UGT1A7: variants seen among roughly 807,000 people sequenced by gnomAD.
UGT1A7 encodes UDP glucuronosyltransferase family 1 member A7, also known as UDP-glucuronosyltransferase 1A7.
A neutral mutation model predicts 45.6 loss-of-function variants in UGT1A7; 33 were observed. That is an observed-to-expected ratio of 0.72 (90% confidence interval 0.55 to 0.97). UGT1A7 has a LOEUF of 0.97. Ranked by LOEUF, UGT1A7 falls within the 50% of genes least tolerant of loss-of-function variation. The pLI is 0.00. For missense variants in UGT1A7, 684 were observed against 666.2 expected (o/e 1.03, Z -0.29); for synonymous variants, 274 against 250.6 (o/e 1.09, Z -0.88).
At chr2:233,752,070 A>G (rs1694888070) in intron 1 of UGT1A7, among the ~76,000 whole-genome samples, 1 of 152,244 alleles carries the variant, frequency 6.6e-6, no homozygotes, top group Non-Finnish European at 1.5e-5. Flanking sequence ...GAGATGGGGA[A>G]GTCTCTCTAC....
intron 1 of UGT1A7, among the ~76,000 whole-genome samples, chr2:233,698,385 C>T (rs935574429): frequency 2.0e-5 from 3 of 152,082 alleles, no homozygotes; most frequent in East Asian, 1.9e-4. Context: ...TTCACTTTAG[C>T]GTGGTGAATT....
intron 1 of UGT1A7, among the ~76,000 whole-genome samples, chr2:233,757,900 G>A (rs1226953924): frequency 6.6e-6 from 1 of 152,060 alleles, no homozygotes; most frequent in African/African-American, 2.4e-5. Flanking sequence ...CACTTTCCAT[G>A]GACGTGTCAC....
intron 1 of UGT1A7, among the ~76,000 whole-genome samples, chr2:233,716,726 T>C (rs1272338086): frequency 6.6e-6 from 1 of 152,214 alleles, no homozygotes; most frequent in Non-Finnish European, 1.5e-5. Context: ...CCAGTTTATA[T>C]GTTTAGCTCT....
In UGT1A7 at chr2:233,755,313, G is replaced by A. The variant is rs565914238; in HGVS notation, c.856-11721G>A. 9.1e-5 allele frequency: 50 copies of A among 549,068 alleles called. 1 individual carries two copies. The highest frequency in any genetic ancestry group is 7.5e-4 in the South Asian group (41 of 54,588). The allele number at this position is 549,068 out of a possible 1,614,324, so 34.0% of individuals were successfully genotyped here. On this transcript the variant is annotated intron_variant, in intron 1 of 4. Transcript: ENST00000373426. Reference sequence around the variant, plus strand: ...CTGCGGGGCACTGGCACAGCGAGCGGCAAGGCTGCCAGCACCCGCGCACAG... The same window carrying A: ...CTGCGGGGCACTGGCACAGCGAGCGACAAGGCTGCCAGCACCCGCGCACAG...
Position 233,682,092 on chromosome 2 carries a change from G to A in UGT1A7, c.155G>A (p.Gly52Glu). ...QSVVEKLILR[G>E]HEVVVVMPEV... is the part of the protein sequence containing the mutation. ...GTGGTGGAGAAACTCATCCTCAGGGGGCATGAGGTGGTCGTAGTCATGCCA... is the reference window on the plus strand; with the variant it reads ...GTGGTGGAGAAACTCATCCTCAGGGAGCATGAGGTGGTCGTAGTCATGCCA... The change falls in exon 1 of 5, where the codon GGG becomes GAG. Residue 52 changes from glycine (G) to glutamate (E), a missense_variant. Coordinates refer to ENST00000373426, the MANE Select transcript of UGT1A7 (RefSeq NM_019077.3). 6.2e-7 allele frequency: 1 copy of A among 1,614,070 alleles called. No homozygotes were observed. Among genetic ancestry groups the A allele is most frequent in the South Asian group, 1.1e-5 (1 of 91,076 alleles).
chr2:233,724,568 G>A (rs1015390355), intron 1 of UGT1A7, among the ~76,000 whole-genome samples: 3 of 128,090 alleles, frequency 2.3e-5, no homozygotes, highest in Admixed American at 7.6e-5. Context: ...ATGGGGCGGC[G>A]GGGCAGAGGC....
At chr2:233,721,929 C>T (rs1233602775) in intron 1 of UGT1A7, 1 of 379,610 alleles carries the variant, frequency 2.6e-6, no homozygotes, top group African/African-American at 2.1e-5. Context: ...AAAGTGACAT[C>T]CTTCAGACAC....
In UGT1A7 at chr2:233,713,164, T is replaced by C. The variant is rs577803036; in HGVS notation, c.855+30372T>C. 359 of 1,614,206 alleles carry C rather than the reference T, an allele frequency of 2.2e-4. 2 individuals carry two copies. In the South Asian group the frequency reaches 3.5e-3, roughly 16 times the overall value. On this transcript the variant is annotated intron_variant, in intron 1 of 4. Coordinates refer to ENST00000373426, the MANE Select transcript of UGT1A7 (RefSeq NM_019077.3). ...GACCTCCATGCGAGAGGCCACCAGG[T>C]GGTGGTCCTCACCCTGGAGGTGAAT...
intron 1 of UGT1A7, chr2:233,719,665 C>A (rs761217423): frequency 6.2e-7 from 1 of 1,614,054 alleles, no homozygotes; most frequent in East Asian, 2.2e-5. Flanking sequence ...ATCAACTGTG[C>A]CAACGGGAAG....
intron 1 of UGT1A7, among the ~76,000 whole-genome samples, chr2:233,696,572 A>G (rs919511146): frequency 2.0e-5 from 3 of 151,960 alleles, no homozygotes; most frequent in Non-Finnish European, 4.4e-5. Context: ...GAGAACAAGA[A>G]TAATTTGACT....
chr2:233,762,332 G>A (rs1219389656), intron 1 of UGT1A7, among the ~76,000 whole-genome samples: 1 of 152,156 alleles, frequency 6.6e-6, no homozygotes, highest in Non-Finnish European at 1.5e-5. Flanking sequence ...ATCCACAATA[G>A]CTCTTTTTAG....
chr2:233,682,662 A>G lies in UGT1A7; in HGVS notation c.725A>G (p.Tyr242Cys), dbSNP rs1390697140. ...SEILQTPVTA[Y>C]DLYSHTSIWL... ...ATTCTCCAAACCCCTGTCACGGCAT[A>G]TGATCTCTACAGCCACACATCAATT... is the stretch of plus-strand genomic sequence containing the variant. Residue 242 changes from tyrosine (Y) to cysteine (C), a missense_variant, in exon 1 of 5, where the codon TAT (tyrosine) becomes TGT (cysteine). Transcript: ENST00000373426. The G allele has an allele frequency of 2.5e-6, 4 of 1,613,880 alleles. No individual in the cohort carries two copies. The highest frequency in any genetic ancestry group is 1.7e-5 in the Admixed American group (1 of 60,010).
chr2:233,757,806 A>G (rs1052183239), intron 1 of UGT1A7, among the ~76,000 whole-genome samples: 1 of 151,788 alleles, frequency 6.6e-6, no homozygotes, highest in Non-Finnish European at 1.5e-5. Context: ...AGGAGATGAA[A>G]GGAGCTGGTA....
chr2:233,720,019 G>T (rs540203341), intron 1 of UGT1A7, among the ~76,000 whole-genome samples: 6 of 152,260 alleles, frequency 3.9e-5, no homozygotes, highest in African/African-American at 1.4e-4. Flanking sequence ...TCCATCCTGG[G>T]GTTTTTGCTT....
intron 1 of UGT1A7, among the ~76,000 whole-genome samples, chr2:233,726,792 T>G (rs1032165047): frequency 1.3e-5 from 2 of 152,238 alleles, no homozygotes; most frequent in Admixed American, 1.3e-4. Flanking sequence ...CCACATCTTA[T>G]TCAAGGCTTG....
chr2:233,727,644 C>G lies in UGT1A7; in HGVS notation c.856-39390C>G, dbSNP rs139554548. On this transcript the variant is annotated intron_variant, in intron 1 of 4. Coordinates refer to ENST00000373426, the MANE Select transcript of UGT1A7 (RefSeq NM_019077.3). ...AGAGGTTGCACCCACAGCTGAGAAT[C>G]CCTTTCTAGTGCTCTATGTCCTTAC... Among the ~76,000 whole-genome samples the G allele has an allele frequency of 3.3e-5, 5 of 152,272 alleles. No individual in the cohort carries two copies. In the East Asian group the frequency reaches 9.7e-4, roughly 29 times the overall value.
At chr2:233,696,203 A>T (rs1245645591) in intron 1 of UGT1A7, among the ~76,000 whole-genome samples, 2 of 152,264 alleles carry the variant, frequency 1.3e-5, no homozygotes, top group African/African-American at 4.8e-5. Context: ...TCCCATGTTT[A>T]TTATAGCACT....
Position 233,767,857 on chromosome 2 carries a change from G to T in UGT1A7, c.996G>T (p.Trp332Cys). 6.2e-7 allele frequency: 1 copy of T among 1,614,112 alleles called. No individual in the cohort carries two copies. Among genetic ancestry groups the T allele is most frequent in the South Asian group, 1.1e-5 (1 of 91,072 alleles). The change falls in exon 3 of 5, where the codon TGG becomes TGT. Residue 332 changes from tryptophan to cysteine, a missense_variant. By Grantham distance (215) the Trp-to-Cys change is radical (BLOSUM62 -2). Transcript: ENST00000373426. ...CTTTTTGCCCCTCCCAGGTCCTGTG[G>T]CGGTACACTGGAACCCGACCATCGA... is the stretch of plus-strand genomic sequence containing the variant. The part of the protein sequence containing the change: ...ALGKIPQTVL[W>C]RYTGTRPSNL...
chr2:233,719,325 G>C (rs771082212), intron 1 of UGT1A7: 3 of 1,613,936 alleles, frequency 1.9e-6, no homozygotes, highest in South Asian at 1.1e-5. Context: ...GTCGATTCCT[G>C]CTGTGTTTTT....
Sources: gnomAD v4.1 joint callset for allele counts (sites outside exome capture counted in the v4.1 genomes callset) on GRCh38, gnomAD v4.1.1 for gene constraint, MANE v1.5 for transcripts, NCBI Gene and HGNC (gene_info 2026-07-23, HGNC 2026-07-21) for gene names.